HECTD4: variants seen among roughly 807,000 people sequenced by gnomAD.
The protein encoded by HECTD4 is HECT domain E3 ubiquitin protein ligase 4, also known as probable E3 ubiquitin-protein ligase HECTD4.
HECTD4 carries 114 observed loss-of-function variants against 471.5 expected under a neutral mutation model. The ratio of observed to expected loss-of-function variants is 0.24; its 90% CI spans 0.21 to 0.28. The LOEUF is 0.28. HECTD4 is among the 10% of genes least tolerant of loss of function. The pLI is 1.00. For synonymous variants in HECTD4, 2,012 were observed against 2,256.0 expected (o/e 0.89, Z 3.07); for missense variants, 3,866 against 5,651.5 (o/e 0.68, Z 10.13).
At chr12:112,371,480 CAGA>C (rs1376746399) in intron 1 of HECTD4, among the ~76,000 whole-genome samples, 1 of 151,888 alleles carries the variant, frequency 6.6e-6, no homozygotes, top group East Asian at 1.9e-4. Flanking sequence ...GAGGCCGAGG[CAGA>C]AGAATAGCTT....
chr12:112,226,229 ACACT>A (rs772616936), intron 44 of HECTD4, among the ~76,000 whole-genome samples: 1 of 152,100 alleles, frequency 6.6e-6, no homozygotes, highest in African/African-American at 2.4e-5. Flanking sequence ...ACTCACACAC[ACACT>A]CACACACACA....
In HECTD4 at chr12:112,185,387, G is replaced by T; in HGVS notation, c.9579C>A (p.His3193Gln). 6.2e-7 allele frequency: 1 copy of T among 1,612,370 alleles called. No individual in the cohort carries two copies. The highest frequency in any genetic ancestry group is 8.5e-7 in the Non-Finnish European group (1 of 1,179,532). Residue 3193 changes from histidine to glutamine, a missense_variant, in exon 61 of 76, where the codon CAC (histidine) becomes CAA (glutamine). Around this residue, in one of 16 missense-constraint regions of HECTD4, gnomAD observed 364 missense variants for 413.2 expected, o/e 0.88. Coordinates refer to ENST00000682272, the MANE Select transcript of HECTD4 (RefSeq NM_001388303.1). ...CGATTGAGGAGGACAGGCCAGCGGGGTGCCGCCTCTGCTCCAGGGTGTGCA... is the reference window on the plus strand; with the variant it reads ...CGATTGAGGAGGACAGGCCAGCGGGTTGCCGCCTCTGCTCCAGGGTGTGCA... The part of the protein sequence containing the change: ...RTVHTLEQRR[H>Q]PAGLSSSIAL...
chr12:112,168,025 C>A, intron 70 of HECTD4, 108 bp from the exon 71 acceptor site: 1 of 889,438 alleles, frequency 1.1e-6, no homozygotes, highest in Non-Finnish European at 1.8e-6. Flanking sequence ...CCACGGCCTA[C>A]CTGCCGCTGT....
At chr12:112,283,065 A>C in intron 8 of HECTD4, 45 bp downstream of exon 8, 1 of 1,496,134 alleles carries the variant, frequency 6.7e-7, no homozygotes, top group Non-Finnish European at 9.2e-7. Context: ...GTAGCTGAAC[A>C]GAGCTATACA....
intron 13 of HECTD4, among the ~76,000 whole-genome samples, chr12:112,268,106 G>A (rs927939977): frequency 7.9e-5 from 12 of 152,184 alleles, no homozygotes; most frequent in Admixed American, 7.2e-4. Flanking sequence ...TTACAGGCAT[G>A]AGCTAACACA....
intron 1 of HECTD4, among the ~76,000 whole-genome samples, chr12:112,366,159 A>G (rs1350352858): frequency 6.6e-6 from 1 of 152,142 alleles, no homozygotes; most frequent in African/African-American, 2.4e-5. Context: ...CAGCTGACCA[A>G]CATTCTCCCT....
intron 1 of HECTD4, among the ~76,000 whole-genome samples, chr12:112,360,782 G>A (rs1284353334): frequency 2.0e-5 from 3 of 151,934 alleles, no homozygotes; most frequent in South Asian, 2.1e-4. Flanking sequence ...TCAGGAGTTC[G>A]AGACCAGCCT....
At chr12:112,225,173 TA>T (rs1273119639) in intron 44 of HECTD4, among the ~76,000 whole-genome samples, 1 of 152,060 alleles carries the variant, frequency 6.6e-6, no homozygotes, top group Non-Finnish European at 1.5e-5. Flanking sequence ...ATGTGAGAAG[TA>T]AAACGGATAC....
intron 1 of HECTD4, among the ~76,000 whole-genome samples, chr12:112,334,824 A>AAAG (rs1251423007): frequency 1.4e-3 from 205 of 151,542 alleles, no homozygotes; most frequent in Admixed American, 2.3e-3. Context: ...AAAAAAAAAA[A>AAAG]AAGCCATAAT....
chr12:112,354,215 C>T (rs535665010), intron 1 of HECTD4, among the ~76,000 whole-genome samples: 3 of 152,100 alleles, frequency 2.0e-5, no homozygotes, highest in Non-Finnish European at 2.9e-5. Context: ...CACGTACTAC[C>T]GTGACCAGCT....
chr12:112,223,702 G>T (rs1230783636), intron 44 of HECTD4, among the ~76,000 whole-genome samples: 2 of 152,158 alleles, frequency 1.3e-5, no homozygotes, highest in African/African-American at 4.8e-5. Flanking sequence ...TTACAGGCGT[G>T]AGCCACCACG....
intron 1 of HECTD4, among the ~76,000 whole-genome samples, chr12:112,378,512 C>T (rs949914976): frequency 4.6e-5 from 7 of 152,086 alleles, no homozygotes; most frequent in African/African-American, 1.7e-4. Context: ...GCATGAGCCA[C>T]TGCGACCGGC....
In HECTD4 at chr12:112,179,658, C is replaced by G. The variant is rs2031592023; in HGVS notation, c.10988-261G>C. 2.0e-5 allele frequency among the ~76,000 whole-genome samples: 3 copies of G among 152,218 alleles called. No homozygotes were observed. In the South Asian group the frequency reaches 6.2e-4, roughly 31 times the overall value. On this transcript the variant is annotated intron_variant, in intron 62 of 75. Transcript: ENST00000682272. This position sits in a 1 kb window ranked among gnomAD's most constrained non-coding sequence, Gnocchi z 4.3. The stretch of plus-strand genomic sequence containing the variant: ...GGGGACCAGGCTGCTGTCCTCTGCA[C>G]TTGGCCCCTACCTGGTTGCTCGGGG...
At chr12:112,280,785 T>C (rs1481737863) in intron 8 of HECTD4, among the ~76,000 whole-genome samples, 2 of 86,470 alleles carry the variant, frequency 2.3e-5, no homozygotes, top group African/African-American at 1.6e-4. Context: ...GAATAAAAAC[T>C]TTTTTTTTTT....
chr12:112,171,020 C>T (rs1382463128), intron 68 of HECTD4, 97 bp downstream of exon 68: 3 of 1,050,862 alleles, frequency 2.9e-6, no homozygotes, highest in Non-Finnish European at 4.0e-6. Context: ...ATCTTCCTGG[C>T]GGGGCTGCCC....
At position 112,179,023 on chromosome 12, in the gene HECTD4, G is replaced by C. The variant is rs750014210; in HGVS notation, c.11271C>G (p.Ala3757=). 1 of 1,613,826 alleles carries C rather than the reference G, an allele frequency of 6.2e-7. No homozygotes were observed. The highest frequency in any genetic ancestry group is 1.7e-5 in the Admixed American group (1 of 59,976). Residue 3757 remains alanine, a synonymous_variant, in exon 64 of 76, where the codon GCC becomes GCG. Coordinates refer to ENST00000682272, the MANE Select transcript of HECTD4 (RefSeq NM_001388303.1). This position sits in a 1 kb window ranked among gnomAD's most constrained non-coding sequence, Gnocchi z 4.3. ...PKFDKSKYSK[A]GKEQHPVKVV... is the part of the protein sequence containing the mutation. The stretch of plus-strand genomic sequence containing the variant: ...CCTTCACGGGGTGCTGCTCCTTCCC[G>C]GCCTTGCTGTACTTGCTCTTGTCAA...
intron 67 of HECTD4, chr12:112,171,465 G>A (rs1024754034): frequency 4.1e-5 from 32 of 773,404 alleles, no homozygotes; most frequent in Non-Finnish European, 5.6e-5. Context: ...GGGCCTGGCT[G>A]GCCAGATGGA....
chr12:112,367,302 AAAAAAAAGAAAGAAAGAAAG>A (rs1343847111), intron 1 of HECTD4, among the ~76,000 whole-genome samples: 3 of 107,060 alleles, frequency 2.8e-5, no homozygotes, highest in African/African-American at 1.1e-4. Context: ...TGGTCTCAAA[AAAAAAAAGAAAGAAAGAAAG>A]AAAGAAAGAA....
At position 112,188,976 on chromosome 12, in the gene HECTD4, C is replaced by T. The variant is rs926739848; in HGVS notation, c.9472+1810G>A. ...CCAAAATTGCACATGACGGCCTATG[C>T]GCTGAAACTTATTCTCAGACAGTGT... is the stretch of plus-strand genomic sequence containing the variant. On this transcript the variant is annotated intron_variant, in intron 60 of 75. Transcript: ENST00000682272. The surrounding 1 kb of genome is among the most constrained non-coding windows in gnomAD (Gnocchi z 4.2). Among the ~76,000 whole-genome samples, 9 of 152,198 alleles carry T rather than the reference C, an allele frequency of 5.9e-5. No individual in the cohort carries two copies. The highest frequency in any genetic ancestry group is 4.6e-4 in the Admixed American group (7 of 15,274).
Sources: allele counts gnomAD v4.1 joint callset (sites outside exome capture counted in the v4.1 genomes callset), GRCh38; gene constraint gnomAD v4.1.1; regional missense constraint gnomAD v4.1.1; non-coding constraint Gnocchi (gnomAD v3.1); transcripts MANE v1.5; gene names NCBI Gene and HGNC (gene_info 2026-07-23, HGNC 2026-07-21).